The following CNTN3 variants were observed in gnomAD, a reference collection of about 807,000 sequenced individuals.
CNTN3 encodes contactin 3, also known as contactin-3.
In CNTN3, 60 loss-of-function variants were observed where a neutral mutation model predicts 119.1. The observed-to-expected ratio is 0.50, with a 90% CI of 0.41 to 0.62. CNTN3 has a LOEUF of 0.62. Ranked by LOEUF, CNTN3 falls within the 20% of genes least tolerant of loss-of-function variation. The pLI is 0.00. For missense variants in CNTN3, 1,101 were observed against 1,242.4 expected, an observed-to-expected ratio of 0.89 and a Z score of 1.71; for synonymous variants, 450 against 438.7, an observed-to-expected ratio of 1.03 and a Z score of -0.32.
At chr3:74,463,764 A>T (rs1420205728) in intron 4 of CNTN3, among the ~76,000 whole-genome samples, 1 of 151,974 alleles carries the variant, frequency 6.6e-6, no homozygotes. Context: ...TCTTATTCAA[A>T]CCCTTCACTT....
chr3:74,479,953 A>G (rs1202197417), intron 4 of CNTN3, among the ~76,000 whole-genome samples: 11 of 152,120 alleles, frequency 7.2e-5, no homozygotes, highest in Admixed American at 5.9e-4. Context: ...AAATAATGTA[A>G]TAAGACTACT....
At chr3:74,540,601 G>C (rs1261305931) in intron 1 of CNTN3, among the ~76,000 whole-genome samples, 1 of 152,104 alleles carries the variant, frequency 6.6e-6, no homozygotes, top group Non-Finnish European at 1.5e-5. Flanking sequence ...TATACCAATT[G>C]TCAGATGAGG....
chr3:74,525,478 AG>A (rs1475338823), intron 1 of CNTN3, among the ~76,000 whole-genome samples: 1 of 151,890 alleles, frequency 6.6e-6, no homozygotes, highest in Non-Finnish European at 1.5e-5. Context: ...GACATATTAA[AG>A]CTCTCCCCAC....
rs572347084 is a variant in CNTN3 at position 74,419,813 on chromosome 3, G to A, written c.454+5032C>T. Reference sequence around the variant, plus strand: ...ACTTGATTAACCTATGAATTCCTGAGTAATTAGTATTTATCATAAGGTGCC... The same window carrying A: ...ACTTGATTAACCTATGAATTCCTGAATAATTAGTATTTATCATAAGGTGCC... On this transcript the variant is annotated intron_variant, in intron 5 of 22. Coordinates refer to ENST00000263665, the MANE Select transcript of CNTN3 (RefSeq NM_020872.3). 1.8e-4 allele frequency among the ~76,000 whole-genome samples: 28 copies of A among 152,262 alleles called. No homozygotes were observed. In the South Asian group the frequency reaches 5.2e-3, roughly 28 times the overall value.
chr3:74,481,313 G>T (rs953623056), intron 4 of CNTN3, among the ~76,000 whole-genome samples: 3 of 151,694 alleles, frequency 2.0e-5, no homozygotes, highest in Middle Eastern at 3.4e-3. Flanking sequence ...TTTTTTTAAG[G>T]ACATATGAAT....
intron 11 of CNTN3, among the ~76,000 whole-genome samples, chr3:74,352,358 T>A (rs531142526): frequency 6.6e-6 from 1 of 152,194 alleles, no homozygotes; most frequent in Non-Finnish European, 1.5e-5. Flanking sequence ...TAAAAGACCA[T>A]GTGGCAACAG....
At chr3:74,386,444 A>AT (rs1477244462) in intron 5 of CNTN3, among the ~76,000 whole-genome samples, 11 of 152,038 alleles carry the variant, frequency 7.2e-5, no homozygotes, top group Admixed American at 2.6e-4. Flanking sequence ...ATGGTGAAAA[A>AT]TTTGTCTCTA....
chr3:74,370,353 C>G (rs148022469), intron 6 of CNTN3, among the ~76,000 whole-genome samples: 2,067 of 152,094 alleles, frequency 0.014, 36 homozygotes, highest in African/African-American at 0.047. Flanking sequence ...AACCACTGAG[C>G]CTTTACATTA....
At chr3:74,274,323 C>T (rs1701839437) in intron 20 of CNTN3, among the ~76,000 whole-genome samples, 1 of 152,106 alleles carries the variant, frequency 6.6e-6, no homozygotes, top group Non-Finnish European at 1.5e-5. Context: ...CTGGAAAGCG[C>T]CACCTCCCAG....
At chr3:74,333,888 T>G (rs375122812) in intron 13 of CNTN3, among the ~76,000 whole-genome samples, 15 of 152,286 alleles carry the variant, frequency 9.8e-5, no homozygotes, top group African/African-American at 3.4e-4. Context: ...AGTCCATAAT[T>G]GACAAAACCA....
intron 1 of CNTN3, among the ~76,000 whole-genome samples, chr3:74,555,703 G>C (rs1001343998): frequency 6.6e-6 from 1 of 152,146 alleles, no homozygotes. Context: ...TTTGCACAGA[G>C]GTGTTTATAG....
At chr3:74,386,306 T>C (rs1704742683) in intron 5 of CNTN3, among the ~76,000 whole-genome samples, 1 of 152,204 alleles carries the variant, frequency 6.6e-6, no homozygotes, top group Non-Finnish European at 1.5e-5. Context: ...TATAAAAGAA[T>C]GTCTAGGGTA....
intron 4 of CNTN3, among the ~76,000 whole-genome samples, chr3:74,429,322 G>T (rs1321268587): frequency 6.6e-6 from 1 of 151,968 alleles, no homozygotes; most frequent in Non-Finnish European, 1.5e-5. Context: ...TCAAGACCAT[G>T]TGGTAGTGGC....
Position 74,286,052 on chromosome 3 carries a change from A to G in CNTN3, c.2518-561T>C, listed in dbSNP as rs183736753. Among the ~76,000 whole-genome samples the G allele has an allele frequency of 3.0e-3, 459 of 152,122 alleles. 1 individual carries two copies. The highest frequency in any genetic ancestry group is 5.2e-3 in the Non-Finnish European group (352 of 67,992). On this transcript the variant is annotated intron_variant, in intron 19 of 22. Coordinates refer to ENST00000263665, the MANE Select transcript of CNTN3 (RefSeq NM_020872.3). The stretch of plus-strand genomic sequence containing the variant: ...ATAGTCAAAGTACTACAACTGAAAG[A>G]ACAGACTATCTCTATGCTAATTTGG...
At chr3:74,385,715 A>C (rs1704729179) in intron 5 of CNTN3, among the ~76,000 whole-genome samples, 1 of 152,234 alleles carries the variant, frequency 6.6e-6, no homozygotes, top group South Asian at 2.1e-4. Flanking sequence ...AATTTCCACA[A>C]GGATTAGGTA....
At chr3:74,595,717 AC>A (rs1704795366) in intron 1 of CNTN3, among the ~76,000 whole-genome samples, 2 of 152,122 alleles carry the variant, frequency 1.3e-5, no homozygotes, top group Non-Finnish European at 2.9e-5. Flanking sequence ...TCTATGACAA[AC>A]CCACAGCCAA....
chr3:74,504,227 C>T (rs944130025), intron 2 of CNTN3, among the ~76,000 whole-genome samples: 1 of 152,102 alleles, frequency 6.6e-6, no homozygotes, highest in Middle Eastern at 3.2e-3. Context: ...ACTAGCAGTG[C>T]ATTTCAAAAC....
chr3:74,452,830 G>C (rs951595693), intron 4 of CNTN3, among the ~76,000 whole-genome samples: 1 of 151,836 alleles, frequency 6.6e-6, no homozygotes, highest in Non-Finnish European at 1.5e-5. Context: ...ACTGATTTGC[G>C]TATACTGAAC....
chr3:74,584,370 T>C (rs1000922270), intron 1 of CNTN3, among the ~76,000 whole-genome samples: 1 of 152,192 alleles, frequency 6.6e-6, no homozygotes, highest in African/African-American at 2.4e-5. Context: ...TAAGATTTTA[T>C]CCCCAATGTA....
Sources: gnomAD v4.1 joint callset for allele counts (sites outside exome capture counted in the v4.1 genomes callset) on GRCh38, gnomAD v4.1.1 for gene constraint, MANE v1.5 for transcripts, NCBI Gene and HGNC (gene_info 2026-07-23, HGNC 2026-07-21) for gene names.